SPATA17: variants seen among roughly 807,000 people sequenced by gnomAD.
The protein encoded by SPATA17 is spermatogenesis associated 17.
A neutral mutation model predicts 62.2 loss-of-function variants in SPATA17; 53 were observed. That is an observed-to-expected ratio of 0.85 (90% CI 0.68 to 1.07). The LOEUF (loss-of-function observed/expected upper bound fraction) is 1.07, where lower values mean the gene tolerates loss of function less well. Ranked by LOEUF, SPATA17 falls within the 50% of genes least tolerant of loss-of-function variation. The pLI, the probability that SPATA17 is intolerant of heterozygous loss-of-function variation, is 0.00. For synonymous variants in SPATA17, 146 were observed against 146.8 expected (o/e 0.99, Z 0.04); for missense variants, 466 against 425.5 (o/e 1.10, Z -0.84).
At chr1:217,700,689 C>A (rs560254431) in intron 5 of SPATA17, among the ~76,000 whole-genome samples, 5 of 151,520 alleles carry the variant, frequency 3.3e-5, no homozygotes, top group Admixed American at 2.6e-4. Context: ...CAGGCTCAAG[C>A]GAATCTCCTG....
chr1:217,727,367 C>G (rs1357796165), intron 5 of SPATA17, among the ~76,000 whole-genome samples: 1 of 151,460 alleles, frequency 6.6e-6, no homozygotes, highest in Non-Finnish European at 1.5e-5. Flanking sequence ...TTTGCATTCT[C>G]TCATTGAGAT....
intron 5 of SPATA17, among the ~76,000 whole-genome samples, chr1:217,710,150 G>T (rs934914337): frequency 2.0e-5 from 3 of 152,050 alleles, no homozygotes; most frequent in Non-Finnish European, 4.4e-5. Context: ...AAATTGTGTG[G>T]TACATATGCA....
intron 1 of SPATA17, among the ~76,000 whole-genome samples, chr1:217,637,702 T>G (rs1251920676): frequency 6.6e-6 from 1 of 152,182 alleles, no homozygotes; most frequent in Non-Finnish European, 1.5e-5. Flanking sequence ...CCTAAATAAA[T>G]AGCAGCTTAG....
At chr1:217,719,109 T>C (rs1672068448) in intron 5 of SPATA17, among the ~76,000 whole-genome samples, 1 of 152,218 alleles carries the variant, frequency 6.6e-6, no homozygotes, top group East Asian at 1.9e-4. Flanking sequence ...AATAGGCCCC[T>C]AGTGGGCTAC....
chr1:217,793,221 GTT>G (rs1161172000), intron 8 of SPATA17, among the ~76,000 whole-genome samples: 1 of 127,164 alleles, frequency 7.9e-6, no homozygotes, highest in Non-Finnish European at 1.6e-5. Flanking sequence ...AGTGGTTTTT[GTT>G]TTTTTTTTTT....
chr1:217,693,586 G>A (rs200548516), intron 5 of SPATA17, among the ~76,000 whole-genome samples: 3 of 118,494 alleles, frequency 2.5e-5, no homozygotes, highest in Non-Finnish European at 5.2e-5. Flanking sequence ...GTGATGTTAC[G>A]GTGTCAATTT....
chr1:217,753,176 C>T (rs1167450822), intron 6 of SPATA17, among the ~76,000 whole-genome samples: 3 of 152,118 alleles, frequency 2.0e-5, no homozygotes, highest in Non-Finnish European at 2.9e-5. Flanking sequence ...CAGGGTCCTA[C>T]CCTGTGCCTT....
At chr1:217,641,015 G>A (rs922706355) in intron 1 of SPATA17, among the ~76,000 whole-genome samples, 1 of 151,900 alleles carries the variant, frequency 6.6e-6, no homozygotes, top group African/African-American at 2.4e-5. Context: ...GGTTAATCAG[G>A]TACTTATTTG....
intron 5 of SPATA17, among the ~76,000 whole-genome samples, chr1:217,723,169 A>G (rs1405223042): frequency 6.6e-6 from 1 of 152,180 alleles, no homozygotes; most frequent in Admixed American, 6.5e-5. Flanking sequence ...ATAGTGTTTA[A>G]TATTCTTTCC....
intron 2 of SPATA17, among the ~76,000 whole-genome samples, chr1:217,650,585 A>AT (rs896784457): frequency 1.4e-4 from 22 of 151,922 alleles, no homozygotes; most frequent in African/African-American, 4.6e-4. Context: ...ACACCTGGCT[A>AT]ATTTTTGTAT....
intron 5 of SPATA17, among the ~76,000 whole-genome samples, chr1:217,718,379 C>G (rs1249705989): frequency 6.6e-6 from 1 of 152,064 alleles, no homozygotes; most frequent in Non-Finnish European, 1.5e-5. Flanking sequence ...TTCTTTCAGC[C>G]AGGATCCCCA....
intron 1 of SPATA17, among the ~76,000 whole-genome samples, chr1:217,637,150 G>C (rs1362204667): frequency 6.6e-6 from 1 of 152,122 alleles, no homozygotes; most frequent in Non-Finnish European, 1.5e-5. Context: ...AAATGTTATT[G>C]AATATCTACT....
intron 1 of SPATA17, among the ~76,000 whole-genome samples, chr1:217,644,106 T>C (rs1366929180): frequency 6.6e-6 from 1 of 152,190 alleles, no homozygotes; most frequent in Non-Finnish European, 1.5e-5. Context: ...CCATGACTTC[T>C]GCACAGTATT....
chr1:217,794,297 A>T (rs906510563), intron 8 of SPATA17, among the ~76,000 whole-genome samples: 2 of 152,136 alleles, frequency 1.3e-5, no homozygotes, highest in African/African-American at 4.8e-5. Context: ...TATACTGTAG[A>T]ATCTATAGTC....
Position 217,638,534 on chromosome 1 carries a change from T to C in SPATA17, c.68+7088T>C, listed in dbSNP as rs574870597. Among the ~76,000 whole-genome samples the C allele has an allele frequency of 2.0e-5, 3 of 152,314 alleles. No individual in the cohort carries two copies. The East Asian group carries it at 5.8e-4, about 29-fold the overall frequency. On this transcript the variant is annotated intron_variant, in intron 1 of 10. Transcript: ENST00000366933. ...AAAGAAAATTGAAAGTACCTTTTAC[T>C]GTCTTATCAGTTTATCACTGCCCAA...
At chr1:217,810,398 C>A (rs766278371) in intron 9 of SPATA17, among the ~76,000 whole-genome samples, 13 of 152,144 alleles carry the variant, frequency 8.5e-5, no homozygotes, top group African/African-American at 2.9e-4. Flanking sequence ...CCAAGGCAGG[C>A]GGATCACAGA....
At position 217,760,866 on chromosome 1, in the gene SPATA17, A is replaced by G. The variant is rs2102962843; in HGVS notation, c.520-13468A>G. 2.6e-5 allele frequency among the ~76,000 whole-genome samples: 4 copies of G among 152,332 alleles called. No individual in the cohort carries two copies. The Middle Eastern group carries it at 0.014, about 518-fold the overall frequency. ...AAGAATCCAAGTAAGTGAAAACACT[A>G]GGTATCCAGAGGAAAAGAGTATATA... On this transcript the variant is annotated intron_variant, in intron 6 of 10. Transcript: ENST00000366933.
At chr1:217,789,846 C>G (rs758516452) in intron 8 of SPATA17, among the ~76,000 whole-genome samples, 1 of 151,952 alleles carries the variant, frequency 6.6e-6, no homozygotes, top group African/African-American at 2.4e-5. Flanking sequence ...ACCAGCCAGG[C>G]CAACATAGTG....
intron 5 of SPATA17, among the ~76,000 whole-genome samples, chr1:217,707,494 A>G (rs1446585896): frequency 6.6e-6 from 1 of 152,132 alleles, no homozygotes; most frequent in Non-Finnish European, 1.5e-5. Flanking sequence ...GGGCATCCTT[A>G]TCGTGTTCTA....
Sources: gnomAD v4.1 joint callset for allele counts (sites outside exome capture counted in the v4.1 genomes callset) on GRCh38, gnomAD v4.1.1 for gene constraint, MANE v1.5 for transcripts, NCBI Gene and HGNC (gene_info 2026-07-23, HGNC 2026-07-21) for gene names.